Variants in TIPARP observed in about 807,000 individuals in gnomAD.
TIPARP encodes protein mono-ADP-ribosyltransferase TIPARP.
In TIPARP, 12 loss-of-function variants were observed where a neutral mutation model predicts 56.5. That is an observed-to-expected ratio of 0.21 (90% CI 0.14 to 0.34). The LOEUF (loss-of-function observed/expected upper bound fraction) is 0.34, where lower values mean the gene tolerates loss of function less well. Ranked by LOEUF, TIPARP falls within the 10% of genes least tolerant of loss-of-function variation. The pLI is 1.00. For synonymous variants in TIPARP, 296 were observed against 265.7 expected (o/e 1.11, Z -1.11); for missense variants, 604 against 781.6 (o/e 0.77, Z 2.71).
intron 2 of TIPARP, among the ~76,000 whole-genome samples, chr3:156,688,191 A>G (rs539463086): frequency 1.3e-5 from 2 of 152,148 alleles, no homozygotes; most frequent in South Asian, 2.1e-4. Flanking sequence ...CCCAGGCAAC[A>G]TGGCGAAACC....
At chr3:156,682,037 G>T (rs766783288) in intron 2 of TIPARP, among the ~76,000 whole-genome samples, 3 of 152,128 alleles carry the variant, frequency 2.0e-5, no homozygotes, top group Non-Finnish European at 2.9e-5. Flanking sequence ...GCACACTGTG[G>T]AGTACTGTTG....
chr3:156,701,424 C>G (rs781139373), intron 4 of TIPARP, among the ~76,000 whole-genome samples: 1 of 152,106 alleles, frequency 6.6e-6, no homozygotes, highest in Non-Finnish European at 1.5e-5. Context: ...CTTTTTCTTT[C>G]AAACCAGAAG....
chr3:156,684,178 T>C (rs1307441213), intron 2 of TIPARP, among the ~76,000 whole-genome samples: 1 of 152,192 alleles, frequency 6.6e-6, no homozygotes, highest in Non-Finnish European at 1.5e-5. Context: ...TGAAAGAAAC[T>C]CACTTTGTAA....
At chr3:156,676,782 A>G in intron 1 of TIPARP, 1 of 152,102 alleles carries the variant, frequency 6.6e-6, no homozygotes, top group Non-Finnish European at 1.5e-5. Flanking sequence ...TTGATTAGGA[A>G]TCTGAAATTT....
At chr3:156,683,311 AG>A (rs1722350281) in intron 2 of TIPARP, among the ~76,000 whole-genome samples, 1 of 152,202 alleles carries the variant, frequency 6.6e-6, no homozygotes, top group Non-Finnish European at 1.5e-5. Flanking sequence ...AAGAAAAAAA[AG>A]GAATACAAGT....
chr3:156,691,081 C>T (rs1722561941), intron 2 of TIPARP, among the ~76,000 whole-genome samples: 1 of 152,150 alleles, frequency 6.6e-6, no homozygotes, highest in Non-Finnish European at 1.5e-5. Context: ...ATTTCCTCAT[C>T]TCTCAGATAC....
At chr3:156,704,274 G>A (rs12634572) in intron 5 of TIPARP, among the ~76,000 whole-genome samples, 4,342 of 152,234 alleles carry the variant, frequency 0.029, 147 homozygotes, top group East Asian at 0.11. Context: ...AACCCAGGCC[G>A]TCTGGCACCA....
chr3:156,676,715 G>C (rs1183171075), intron 1 of TIPARP: 1 of 152,048 alleles, frequency 6.6e-6, no homozygotes, highest in Non-Finnish European at 1.5e-5. Context: ...TCAAATTTCA[G>C]TTTTTTTCAA....
Position 156,678,269 on chromosome 3 carries a change from A to G in TIPARP, c.572A>G (p.Glu191Gly). Reference protein sequence around the residue: ...VIDYVPGIFQENSFTIQYILD... With the variant: ...VIDYVPGIFQGNSFTIQYILD... ...GATTATGTTCCAGGCATTTTCCAAG[A>G]AAACAGTTTTACAATCCAATACATT... The change falls in exon 2 of 6, where the codon GAA becomes GGA. Residue 191 changes from glutamate (E) to glycine (G), a missense_variant. Around this residue, in one of 4 missense-constraint regions of TIPARP, gnomAD observed 261 missense variants for 279.2 expected, o/e 0.93. Coordinates refer to ENST00000295924, the MANE Select transcript of TIPARP (RefSeq NM_015508.5). The G allele has an allele frequency of 6.2e-7, 1 of 1,614,168 alleles. No homozygotes were observed. The highest frequency in any genetic ancestry group is 8.5e-7 in the Non-Finnish European group (1 of 1,180,036).
intron 4 of TIPARP, among the ~76,000 whole-genome samples, chr3:156,698,334 C>A (rs1274813286): frequency 6.6e-6 from 1 of 152,174 alleles, no homozygotes; most frequent in Non-Finnish European, 1.5e-5. Context: ...AAGAGATTTT[C>A]AGTGTAGACA....
In TIPARP at chr3:156,699,418, G is replaced by A. The variant is rs570096011; in HGVS notation, c.1247+3393G>A. Among the ~76,000 whole-genome samples, 275 of 152,244 alleles carry A rather than the reference G, an allele frequency of 1.8e-3. 3 individuals are homozygous for A. The highest frequency in any genetic ancestry group is 6.4e-3 in the African/African-American group (266 of 41,522). On this transcript the variant is annotated intron_variant, in intron 4 of 5. Transcript: ENST00000295924. ...CAGCAATCACCACCCTGATCAGTCA[G>A]GCCATCATCAAGGCAAAACCCTCCC...
At position 156,706,309 on chromosome 3, in the gene TIPARP, CAA is replaced by C. The variant is rs1220994197; in HGVS notation, c.*1181_*1182del. The C allele has an allele frequency of 6.6e-6, 1 of 152,620 alleles. No homozygotes were observed. The highest frequency in any genetic ancestry group is 2.4e-5 in the African/African-American group (1 of 41,446). 9.5% of individuals were successfully genotyped at this position (152,620 alleles called of 1,614,324 possible). ...TATAAAAAGCAAATACCTGGATTTA[CAA>C]AAGTGAAAGTAGTTGTTCACAAAAG... On this transcript the variant is annotated 3_prime_UTR_variant, in exon 6 of 6. Coordinates refer to ENST00000295924, the MANE Select transcript of TIPARP (RefSeq NM_015508.5).
At chr3:156,683,997 T>G (rs771917926) in intron 2 of TIPARP, among the ~76,000 whole-genome samples, 1 of 152,222 alleles carries the variant, frequency 6.6e-6, no homozygotes, top group Non-Finnish European at 1.5e-5. Flanking sequence ...GCCAACAACC[T>G]TTAATAATTA....
At chr3:156,697,679 A>T (rs1030920092) in intron 4 of TIPARP, among the ~76,000 whole-genome samples, 2 of 152,114 alleles carry the variant, frequency 1.3e-5, no homozygotes, top group African/African-American at 4.8e-5. Flanking sequence ...TCTCTGAATC[A>T]TATTTCGGGT....
At chr3:156,703,265 C>CT (rs942929403) in intron 4 of TIPARP, among the ~76,000 whole-genome samples, 159 bp from the exon 5 acceptor site, 4 of 150,962 alleles carry the variant, frequency 2.6e-5, no homozygotes, top group South Asian at 2.1e-4. Flanking sequence ...TGCTCCAAGC[C>CT]TTTTTTTTTA....
At chr3:156,699,970 T>C (rs1216610627) in intron 4 of TIPARP, among the ~76,000 whole-genome samples, 1 of 152,140 alleles carries the variant, frequency 6.6e-6, no homozygotes, top group African/African-American at 2.4e-5. Context: ...ATGAGGGGAA[T>C]TGGTTCCAAA....
intron 2 of TIPARP, among the ~76,000 whole-genome samples, chr3:156,691,973 AT>A (rs2108493193): frequency 6.6e-6 from 1 of 152,294 alleles, no homozygotes; most frequent in South Asian, 2.1e-4. Flanking sequence ...ATCATTATCT[AT>A]GAAGTCTCAG....
At chr3:156,696,098 AAAAT>A (rs1722709445) in intron 4 of TIPARP, 73 bp downstream of exon 4, 1 of 1,505,304 alleles carries the variant, frequency 6.6e-7, no homozygotes, top group African/African-American at 1.4e-5. Flanking sequence ...CTAGAGATAA[AAAAT>A]AAATAAGAGT....
At chr3:156,698,135 C>G (rs1722763328) in intron 4 of TIPARP, among the ~76,000 whole-genome samples, 1 of 152,170 alleles carries the variant, frequency 6.6e-6, no homozygotes, top group African/African-American at 2.4e-5. Context: ...TTTTTCAGTT[C>G]TTTCAAGGCC....
Sources: allele counts gnomAD v4.1 joint callset (sites outside exome capture counted in the v4.1 genomes callset), GRCh38; gene constraint gnomAD v4.1.1; regional missense constraint gnomAD v4.1.1; transcripts MANE v1.5; gene names NCBI Gene and HGNC (gene_info 2026-07-23, HGNC 2026-07-21).